ZNF888: variants seen among roughly 807,000 people sequenced by gnomAD.
ZNF888 encodes CTD-2331H12.6.
In ZNF888, 5 loss-of-function variants were observed where a neutral mutation model predicts 7.2. The ratio of observed to expected loss-of-function variants is 0.70; its 90% confidence interval spans 0.36 to 1.46. The LOEUF (loss-of-function observed/expected upper bound fraction) is 1.46. ZNF888 is among the 40% of genes most tolerant of loss of function. ZNF888 has a pLI of 0.03. For synonymous variants in ZNF888, 240 were observed against 284.3 expected, an observed-to-expected ratio of 0.84 and a Z score of 1.57; for missense variants, 716 against 858.0, an observed-to-expected ratio of 0.83 and a Z score of 2.07.
chr19:52,921,263 G>A (rs1409616808), intron 1 of ZNF888, among the ~76,000 whole-genome samples: 2 of 152,230 alleles, frequency 1.3e-5, no homozygotes, highest in Non-Finnish European at 2.9e-5. Flanking sequence ...CTGGACACTG[G>A]CAGGGGCCCT....
intron 2 of ZNF888, chr19:52,918,284 G>T: frequency 1.2e-6 from 1 of 801,740 alleles, no homozygotes; most frequent in Non-Finnish European, 1.5e-6. Flanking sequence ...GAGCTCAGAA[G>T]TTTGAGACCA....
chr19:52,915,223 C>G lies in ZNF888; in HGVS notation c.115G>C (p.Glu39Gln), dbSNP rs1255663263. 4 of 1,607,750 alleles carry G rather than the reference C, an allele frequency of 2.5e-6. No individual in the cohort carries two copies. The highest frequency in any genetic ancestry group is 3.4e-6 in the Non-Finnish European group (4 of 1,179,264). The change falls in exon 4 of 5, where the codon GAG becomes CAG. Residue 39 changes from glutamate to glutamine, a missense_variant. Around this residue, in one of 2 missense-constraint regions of ZNF888, gnomAD observed 19 missense variants for 54.7 expected, o/e 0.35. Transcript: ENST00000638862. ...AGGGAGACCAGGTTCCTATAATTCT[C>G]CAGCATCACGTCTCTGTATAGAGTC... is the stretch of plus-strand genomic sequence containing the variant. Reference protein sequence around the residue: ...QRTLYRDVMLENYRNLVSLDI... With the variant: ...QRTLYRDVMLQNYRNLVSLDI...
At chr19:52,918,590 G>A (rs897597971) in intron 2 of ZNF888, among the ~76,000 whole-genome samples, 10 of 152,046 alleles carry the variant, frequency 6.6e-5, no homozygotes, top group Non-Finnish European at 1.2e-4. Context: ...CCAACGTGGT[G>A]AAACCTCATC....
chr19:52,910,261 T>G (rs1022293159), intron 4 of ZNF888, among the ~76,000 whole-genome samples: 5 of 148,042 alleles, frequency 3.4e-5, no homozygotes, highest in Admixed American at 2.7e-4. Context: ...CATGAGGTCA[T>G]AAGTTCAAGA....
intron 1 of ZNF888, among the ~76,000 whole-genome samples, chr19:52,923,111 A>C (rs926919632): frequency 6.6e-6 from 1 of 152,052 alleles, no homozygotes; most frequent in Admixed American, 6.6e-5. Flanking sequence ...GAGTCAACAA[A>C]CGGTTGTGAA....
intron 4 of ZNF888, among the ~76,000 whole-genome samples, chr19:52,914,619 A>C (rs879677263): frequency 6.6e-6 from 1 of 152,218 alleles, no homozygotes; most frequent in South Asian, 2.1e-4. Context: ...AATCGAAAGC[A>C]CAGGAGAAGC....
intron 2 of ZNF888, among the ~76,000 whole-genome samples, chr19:52,918,517 AC>A (rs1283119275): frequency 1.3e-5 from 2 of 152,090 alleles, no homozygotes; most frequent in Non-Finnish European, 2.9e-5. Flanking sequence ...AGCCTGTAAT[AC>A]TAGCACTCTG....
intron 1 of ZNF888, among the ~76,000 whole-genome samples, chr19:52,922,788 T>A (rs967809782): frequency 5.3e-5 from 8 of 152,152 alleles, no homozygotes; most frequent in Admixed American, 2.0e-4. Flanking sequence ...GGGCTGGAGC[T>A]GGGCAGGCAA....
intron 4 of ZNF888, 46 bp from the exon 5 acceptor site, chr19:52,908,225 T>C: frequency 6.5e-7 from 1 of 1,542,860 alleles, no homozygotes; most frequent in Non-Finnish European, 9.0e-7. Context: ...GTACAGATAA[T>C]ATATAATACT....
At chr19:52,920,533 G>GAAAAAA (rs1175516942) in intron 1 of ZNF888, among the ~76,000 whole-genome samples, 4 of 24,802 alleles carry the variant, frequency 1.6e-4, no homozygotes, top group Admixed American at 1.3e-3. Flanking sequence ...AAAAGAAAAG[G>GAAAAAA]AAAAAAAAAA....
intron 1 of ZNF888, among the ~76,000 whole-genome samples, chr19:52,920,517 G>GAAAAAAAAAAA (rs1568423836): frequency 1.7e-4 from 3 of 17,410 alleles, no homozygotes; most frequent in African/African-American, 7.9e-4. Context: ...AAAAAAAAAA[G>GAAAAAAAAAAA]AAAAAAAAAG....
Position 52,918,945 on chromosome 19 carries a change from A to T in ZNF888, c.-177-8T>A, listed in dbSNP as rs1386599401. On this transcript the variant is annotated splice_polypyrimidine_tract_variant and splice_region_variant and intron_variant, in intron 1 of 4. Coordinates refer to ENST00000638862, the MANE Select transcript of ZNF888 (RefSeq NM_001393938.1). Reference sequence around the variant, plus strand: ...GGAGGACAGAGTGAGACTCTGTTTGAAAAAAAAAAAAAATCTCCCTCTCCC... The same window carrying T: ...GGAGGACAGAGTGAGACTCTGTTTGTAAAAAAAAAAAAATCTCCCTCTCCC... The T allele has an allele frequency of 8.6e-6, 1 of 116,038 alleles. No homozygotes were observed. The highest frequency in any genetic ancestry group is 1.8e-5 in the Non-Finnish European group (1 of 56,816). The allele number at this position is 116,038 out of a possible 1,614,324, so 7.2% of individuals were successfully genotyped here.
rs1243821325 is a variant in ZNF888 at position 52,907,918 on chromosome 19, A to G, written c.404T>C (p.Ile135Thr). Residue 135 changes from isoleucine (I) to threonine (T), a missense_variant, in exon 5 of 5, where the codon ATT (isoleucine) becomes ACT (threonine). By Grantham distance (89) the Ile-to-Thr change is moderately conservative. This residue lies in a region of ZNF888 where 697 missense variants were observed against 803.4 expected (regional missense o/e 0.87). Transcript: ENST00000638862. The part of the protein sequence containing the change: ...YDQRHAGNKP[I>T]KYQLGSSFHS... ...AAAGCTTGATCCAAGCTGATATTTA[A>G]TAGGCTTGTTTCCAGCATGCCTTTG... 1.9e-6 allele frequency: 3 copies of G among 1,614,052 alleles called. No individual in the cohort carries two copies. In the African/African-American group the frequency reaches 4.0e-5, roughly 22 times the overall value.
rs533898668 is a variant in ZNF888 at position 52,908,015 on chromosome 19, C to T, written c.307G>A (p.Asp103Asn). ...GGTGCTTCATGGCCATTTGTTTCAT[C>T]TTCTTGCCACTGAAACACAAAGTCA... is the stretch of plus-strand genomic sequence containing the variant. ...IHDFVFQWQE[D>N]ETNGHEAPMT... The change falls in exon 5 of 5, where the codon GAT becomes AAT. Residue 103 changes from aspartate to asparagine, a missense_variant. Transcript: ENST00000638862. The T allele has an allele frequency of 1.9e-6, 3 of 1,613,958 alleles. No homozygotes were observed. Among genetic ancestry groups the T allele is most frequent in the African/African-American group, 2.7e-5 (2 of 74,910 alleles).
intron 4 of ZNF888, 128 bp downstream of exon 4, chr19:52,915,068 A>G (rs2064728115): frequency 7.1e-7 from 1 of 1,414,060 alleles, no homozygotes; most frequent in Non-Finnish European, 9.4e-7. Flanking sequence ...ATGCTACATC[A>G]TGAAGCTTTT....
chr19:52,907,465 G>T lies in ZNF888; in HGVS notation c.857C>A (p.Ala286Glu). Residue 286 changes from alanine (A) to glutamate (E), a missense_variant, in exon 5 of 5, where the codon GCA (alanine) becomes GAA (glutamate). Ala to Glu is a moderately radical substitution (Grantham distance 107). Transcript: ENST00000638862. ...GKVFNKKAYL[A>E]RHYRRHTGEK... ...TCCAGTATGACGTCTATAATGACGT[G>T]CAAGGTATGCTTTTTTATTAAAAAC... 1 of 1,605,042 alleles carries T rather than the reference G, an allele frequency of 6.2e-7. No homozygotes were observed. The highest frequency in any genetic ancestry group is 8.5e-7 in the Non-Finnish European group (1 of 1,176,196).
At chr19:52,916,615 C>CATATACATATACAT (rs374760326) in intron 3 of ZNF888, among the ~76,000 whole-genome samples, 16 of 131,482 alleles carry the variant, frequency 1.2e-4, no homozygotes, top group African/African-American at 4.9e-4. Context: ...TATACATATA[C>CATATACATATACAT]ATATATATAT....
At chr19:52,923,231 C>G in intron 1 of ZNF888, 138 bp downstream of exon 1, 1 of 941,204 alleles carries the variant, frequency 1.1e-6, no homozygotes, top group Non-Finnish European at 1.3e-6. Context: ...TTCCGGACTC[C>G]TAGGGGAATG....
In ZNF888 at chr19:52,906,209, G is replaced by A. The variant is rs1031018022; in HGVS notation, c.2113C>T (p.Leu705Phe). The A allele has an allele frequency of 2.5e-6, 4 of 1,610,474 alleles. No individual in the cohort carries two copies. Among genetic ancestry groups the A allele is most frequent in the East Asian group, 4.5e-5 (2 of 44,876 alleles). The change falls in exon 5 of 5, where the codon CTT becomes TTT. Residue 705 changes from leucine (L) to phenylalanine (F), a missense_variant. Leu to Phe is a conservative substitution (Grantham distance 22). Transcript: ENST00000638862. ...CCATGGATTGCCTGATGGTGAATAA[G>A]TGTTGACTGTGCACGAAAGGCTTTG... ...CGKAFRAQST[L>F]IHHQAIHGVG... is the part of the protein sequence containing the mutation.
Sources: gnomAD v4.1 joint callset for allele counts (sites outside exome capture counted in the v4.1 genomes callset) on GRCh38, gnomAD v4.1.1 for gene constraint, gnomAD v4.1.1 regional missense constraint, MANE v1.5 for transcripts, NCBI Gene and HGNC (gene_info 2026-07-23, HGNC 2026-07-21) for gene names.